The following KIAA0319L variants were observed in gnomAD, a reference collection of about 807,000 sequenced individuals.
KIAA0319L encodes the protein dyslexia-associated protein KIAA0319-like protein.
Under a neutral mutation model 120.1 loss-of-function variants are expected in KIAA0319L, and 55 were observed. That is an observed-to-expected ratio of 0.46 (90% confidence interval 0.37 to 0.57). KIAA0319L has a LOEUF of 0.57. Among genes scored for constraint, KIAA0319L ranks in the 20% least tolerant of loss-of-function variants. The pLI is 0.00. For missense variants in KIAA0319L, 1,049 were observed against 1,255.3 expected (o/e 0.84, Z 2.48); for synonymous variants, 398 against 471.9 (o/e 0.84, Z 2.03).
Position 35,476,622 on chromosome 1 carries a change from A to G in KIAA0319L, c.914-1716T>C, listed in dbSNP as rs74434970. On this transcript the variant is annotated intron_variant, in intron 4 of 20. Transcript: ENST00000325722. ...TTTCAAAAAAAGAAAAGAAAGAAACATGATACTCAGAGAAAGTATAATGAA... is the reference window on the plus strand; with the variant it reads ...TTTCAAAAAAAGAAAAGAAAGAAACGTGATACTCAGAGAAAGTATAATGAA... Among the ~76,000 whole-genome samples the G allele has an allele frequency of 5.8e-3, 879 of 152,346 alleles. 6 individuals are homozygous for G. The highest frequency in any genetic ancestry group is 9.4e-3 in the Admixed American group (144 of 15,300).
chr1:35,508,335 A>T (rs537927566), intron 2 of KIAA0319L, among the ~76,000 whole-genome samples: 69 of 152,376 alleles, frequency 4.5e-4, no homozygotes, highest in African/African-American at 1.6e-3. Flanking sequence ...AACACTGAAG[A>T]TATGGATAAT....
intron 2 of KIAA0319L, among the ~76,000 whole-genome samples, chr1:35,515,645 G>A (rs570453821): frequency 7.2e-4 from 110 of 151,736 alleles, no homozygotes; most frequent in Non-Finnish European, 1.4e-3. Context: ...CATCACAACT[G>A]AAAGAGAAGC....
At chr1:35,440,035 G>A (rs1436042394) in intron 20 of KIAA0319L, 2 of 152,130 alleles carry the variant, frequency 1.3e-5, no homozygotes, top group Non-Finnish European at 1.5e-5. Flanking sequence ...AGTGTGAGGG[G>A]TGGGTTTTGC....
Position 35,507,132 on chromosome 1 carries a change from G to T in KIAA0319L, c.146C>A (p.Ala49Asp). The change falls in exon 3 of 21, where the codon GCC (alanine) becomes GAC (aspartate). Residue 49 changes from alanine to aspartate, a missense_variant. Physicochemically the swap from Ala to Asp is moderately radical, Grantham distance 126 (BLOSUM62 -2). Transcript: ENST00000325722. ...CCCCTGCTGGCACCTGCTCTCACTGGCATCTAAAAACAAAGAATGAAAACA... is the reference window on the plus strand; with the variant it reads ...CCCCTGCTGGCACCTGCTCTCACTGTCATCTAAAAACAAAGAATGAAAACA... ...CFSVLWLSTD[A>D]SESRCQQGKT... is the part of the protein sequence containing the mutation. 2 of 1,516,722 alleles carry T rather than the reference G, an allele frequency of 1.3e-6. No individual in the cohort carries two copies. The highest frequency in any genetic ancestry group is 1.8e-6 in the Non-Finnish European group (2 of 1,134,162). The allele number at this position is 1,516,722 out of a possible 1,614,324, so 94.0% of individuals were successfully genotyped here.
chr1:35,545,230 G>A (rs1181782367), intron 2 of KIAA0319L, among the ~76,000 whole-genome samples: 1 of 152,182 alleles, frequency 6.6e-6, no homozygotes, highest in Non-Finnish European at 1.5e-5. Context: ...AGGGGGGCAA[G>A]AGGAGCATGC....
At chr1:35,475,632 C>T (rs564536490) in intron 4 of KIAA0319L, among the ~76,000 whole-genome samples, 82 of 152,204 alleles carry the variant, frequency 5.4e-4, no homozygotes, top group African/African-American at 1.8e-3. Flanking sequence ...TGCACCACCA[C>T]GCCCAGCTTG....
intron 3 of KIAA0319L, among the ~76,000 whole-genome samples, chr1:35,491,440 A>C (rs1644589193): frequency 2.0e-5 from 3 of 152,194 alleles, no homozygotes; most frequent in Admixed American, 2.0e-4. Flanking sequence ...GGAGAAAATT[A>C]TATAAGCAGC....
chr1:35,474,889 C>T lies in KIAA0319L; in HGVS notation c.931G>A (p.Val311Ile), dbSNP rs1049644756. ...ATCTGGACACTCTCTCCAGCAGATA[C>T]CACCAGTTCCTTTATAACTGGAAAC... is the stretch of plus-strand genomic sequence containing the variant. ...APYPVIKELV[V>I]SAGESVQITL... Residue 311 changes from valine to isoleucine, a missense_variant, in exon 5 of 21, where the codon GTA (valine) becomes ATA (isoleucine). Physicochemically the swap from Val to Ile is conservative, Grantham distance 29. Coordinates refer to ENST00000325722, the MANE Select transcript of KIAA0319L (RefSeq NM_024874.5). 1 of 1,598,280 alleles carries T rather than the reference C, an allele frequency of 6.3e-7. No individual in the cohort carries two copies. Among genetic ancestry groups the T allele is most frequent in the African/African-American group, 1.3e-5 (1 of 74,466 alleles).
chr1:35,462,803 C>T, intron 7 of KIAA0319L, 90 bp from the exon 8 acceptor site: 1 of 1,021,250 alleles, frequency 9.8e-7, no homozygotes, highest in Non-Finnish European at 1.5e-6. Flanking sequence ...AATCAATTTC[C>T]ATTACATCAG....
chr1:35,481,814 CTTTTTTTTTTT>C lies in KIAA0319L; in HGVS notation c.667-2613_667-2603del, dbSNP rs747721221. Among the ~76,000 whole-genome samples the C allele has an allele frequency of 5.0e-3, 243 of 49,002 alleles. 2 individuals carry two copies. The highest frequency in any genetic ancestry group is 0.017 in the South Asian group (13 of 774). 32.1% of individuals were successfully genotyped at this position (49,002 alleles called of 152,430 possible). A position where few individuals can be genotyped will look rare whatever the true frequency, so the allele number is the denominator to read the frequency against. ...ACCCTAAGCAACCATTCTGCTGTTT[CTTTTTTTTTTT>C]TTTTTTTTTTTTTTTTTGAGATGGA... On this transcript the variant is annotated intron_variant, in intron 3 of 20. Transcript: ENST00000325722.
intron 10 of KIAA0319L, among the ~76,000 whole-genome samples, chr1:35,455,560 A>C (rs922191564): frequency 7.9e-5 from 12 of 150,944 alleles, no homozygotes; most frequent in African/African-American, 2.9e-4. Flanking sequence ...TCTAATACTA[A>C]ACATTTAAGA....
chr1:35,543,052 T>C (rs1319196168), intron 2 of KIAA0319L, among the ~76,000 whole-genome samples: 2 of 152,184 alleles, frequency 1.3e-5, no homozygotes, highest in African/African-American at 2.4e-5. Flanking sequence ...TCCAAGATAG[T>C]AGGATTTAAG....
intron 13 of KIAA0319L, 74 bp from the exon 14 acceptor site, chr1:35,450,583 G>C: frequency 7.0e-7 from 1 of 1,429,348 alleles, no homozygotes; most frequent in Non-Finnish European, 9.7e-7. Flanking sequence ...ATGCTTATGG[G>C]GAAATTAAAA....
chr1:35,556,662 C>T (rs900595047), intron 1 of KIAA0319L: 1 of 152,222 alleles, frequency 6.6e-6, no homozygotes, highest in African/African-American at 2.4e-5. Flanking sequence ...CACTATGAGA[C>T]CAGAAGCCAA....
At chr1:35,548,604 G>A (rs1647076485) in intron 2 of KIAA0319L, among the ~76,000 whole-genome samples, 1 of 151,794 alleles carries the variant, frequency 6.6e-6, no homozygotes, top group Non-Finnish European at 1.5e-5. Flanking sequence ...ATAAAATTAC[G>A]TGTTATAATG....
chr1:35,441,246 G>A (rs1641194672), intron 19 of KIAA0319L, 108 bp from the exon 20 acceptor site: 2 of 877,372 alleles, frequency 2.3e-6, no homozygotes, highest in South Asian at 1.5e-5. Context: ...CACCTACTGA[G>A]AGGGGTGTCC....
intron 3 of KIAA0319L, among the ~76,000 whole-genome samples, chr1:35,481,555 C>A (rs944183226): frequency 2.6e-5 from 4 of 151,984 alleles, no homozygotes; most frequent in Non-Finnish European, 5.9e-5. Flanking sequence ...TGCTTATTGA[C>A]CATTTTTTCT....
chr1:35,490,317 C>G (rs1054342508), intron 3 of KIAA0319L, among the ~76,000 whole-genome samples: 2 of 152,156 alleles, frequency 1.3e-5, no homozygotes, highest in African/African-American at 4.8e-5. Context: ...AATGCAGCTC[C>G]GGACTCACAT....
At chr1:35,489,232 A>C (rs1170236327) in intron 3 of KIAA0319L, among the ~76,000 whole-genome samples, 1 of 152,162 alleles carries the variant, frequency 6.6e-6, no homozygotes, top group East Asian at 1.9e-4. Context: ...ACAAAAAAAA[A>C]CATGGTGGAC....
Sources: gnomAD v4.1 joint callset for allele counts (sites outside exome capture counted in the v4.1 genomes callset) on GRCh38, gnomAD v4.1.1 for gene constraint, MANE v1.5 for transcripts, NCBI Gene and HGNC (gene_info 2026-07-23, HGNC 2026-07-21) for gene names.